The following RAD54B variants were observed in gnomAD, a reference collection of about 807,000 sequenced individuals.
RAD54B encodes the protein DNA repair and recombination protein RAD54B.
In RAD54B, 78 loss-of-function variants were observed where a neutral mutation model predicts 95.8. The observed-to-expected ratio is 0.81, with a 90% CI of 0.68 to 0.98. The LOEUF (loss-of-function observed/expected upper bound fraction) is 0.98. Among genes scored for constraint, RAD54B ranks in the 50% least tolerant of loss-of-function variants. The probability of loss-of-function intolerance (pLI) is 0.00; values close to 1 mark genes in which losing one functional copy is unlikely to be tolerated. For missense variants in RAD54B, 957 were observed against 1,056.6 expected, an observed-to-expected ratio of 0.91 and a Z score of 1.31; for synonymous variants, 328 against 354.9, an observed-to-expected ratio of 0.92 and a Z score of 0.85.
chr8:94,387,820 C>CAT (rs1260345726), intron 10 of RAD54B, among the ~76,000 whole-genome samples: 1 of 152,274 alleles, frequency 6.6e-6, no homozygotes, highest in East Asian at 1.9e-4. Flanking sequence ...GATATGTGAA[C>CAT]ATATAACTAG....
chr8:94,412,375 T>A (rs1811550759), intron 3 of RAD54B, among the ~76,000 whole-genome samples: 1 of 152,068 alleles, frequency 6.6e-6, no homozygotes, highest in South Asian at 2.1e-4. Flanking sequence ...ATTTCATTTT[T>A]TTTTTTTTTG....
At chr8:94,415,629 G>A (rs1467595272) in intron 3 of RAD54B, among the ~76,000 whole-genome samples, 2 of 139,326 alleles carry the variant, frequency 1.4e-5, no homozygotes, top group Non-Finnish European at 3.1e-5. Flanking sequence ...CTGACAAAGG[G>A]CTAATATCCA....
intron 11 of RAD54B, among the ~76,000 whole-genome samples, chr8:94,384,812 G>C (rs915270796): frequency 2.0e-5 from 3 of 152,206 alleles, no homozygotes; most frequent in South Asian, 4.1e-4. Flanking sequence ...GGTTTCTTAA[G>C]GACCCACAAG....
In RAD54B at chr8:94,407,136, T is replaced by A. The variant is rs559495915; in HGVS notation, c.781+303A>T. 1.3e-3 allele frequency among the ~76,000 whole-genome samples: 201 copies of A among 152,294 alleles called. 1 individual carries two copies. The highest frequency in any genetic ancestry group is 0.01 in the Middle Eastern group (3 of 294). On this transcript the variant is annotated intron_variant, in intron 5 of 14. Coordinates refer to ENST00000336148, the MANE Select transcript of RAD54B (RefSeq NM_012415.3). ...TTTCTCTCCTTACTAAAAAGTCAGA[T>A]TTTATTCAAAATTATACACATGTAT... is the stretch of plus-strand genomic sequence containing the variant.
Position 94,428,432 on chromosome 8 carries a change from C to T in RAD54B, c.305-17117G>A, listed in dbSNP as rs1293661669. On this transcript the variant is annotated intron_variant, in intron 3 of 14. Transcript: ENST00000336148. ...ATCAAGATCCACAGATACTCAAGTC[C>T]CTTATATAAAATGTTTGTATTCACA... is the stretch of plus-strand genomic sequence containing the variant. 1.1e-5 allele frequency: 6 copies of T among 522,300 alleles called. No individual in the cohort carries two copies. In the Admixed American group the frequency reaches 3.8e-4, roughly 33 times the overall value. 32.4% of individuals were successfully genotyped at this position (522,300 alleles called of 1,614,324 possible). A position where few individuals can be genotyped will look rare whatever the true frequency, so the allele number is the denominator to read the frequency against.
Position 94,400,429 on chromosome 8 carries a change from C to T in RAD54B, c.979G>A (p.Glu327Lys). 6.2e-7 allele frequency: 1 copy of T among 1,613,068 alleles called. No individual in the cohort carries two copies. The highest frequency in any genetic ancestry group is 8.5e-7 in the Non-Finnish European group (1 of 1,179,492). Residue 327 changes from glutamate (E) to lysine (K), a missense_variant, in exon 7 of 15, where the codon GAA becomes AAA. By Grantham distance (56) the Glu-to-Lys change is moderately conservative. Coordinates refer to ENST00000336148, the MANE Select transcript of RAD54B (RefSeq NM_012415.3). ...TGCAATGTCTTCCCTAAACCCATTT[C>T]ATCAGCAAGAATAGCTCCACATCTG... Reference protein sequence around the residue: ...NGRCGAILADEMGLGKTLQCI... With the variant: ...NGRCGAILADKMGLGKTLQCI...
chr8:94,471,920 T>A (rs1219434274), intron 1 of RAD54B, among the ~76,000 whole-genome samples: 19 of 151,968 alleles, frequency 1.3e-4, no homozygotes, highest in Admixed American at 1.2e-3. Flanking sequence ...TTTTTTAAAT[T>A]GTAAGATGTA....
At position 94,378,087 on chromosome 8, in the gene RAD54B, AAAT is replaced by A. The variant is rs1218863549; in HGVS notation, c.2515+90_2515+92del. ...AATAAAACTAACATATGCAAATGGT[AAAT>A]ATTATAAAGTTATTCTTTAAATATT... On this transcript the variant is annotated intron_variant, in intron 14 of 14. Transcript: ENST00000336148. 23 of 986,468 alleles carry A rather than the reference AAAT, an allele frequency of 2.3e-5. No individual in the cohort carries two copies. The South Asian group carries it at 3.5e-4, about 15-fold the overall frequency. The allele number at this position is 986,468 out of a possible 1,614,324, so 61.1% of individuals were successfully genotyped here.
At chr8:94,432,700 GA>G (rs1033718962) in intron 3 of RAD54B, 1 of 1,401,052 alleles carries the variant, frequency 7.1e-7, no homozygotes, top group African/African-American at 1.5e-5. Flanking sequence ...ATCAAATGAA[GA>G]AAAAGTGTAT....
chr8:94,457,488 A>G (rs1812803706), intron 3 of RAD54B, among the ~76,000 whole-genome samples: 1 of 152,236 alleles, frequency 6.6e-6, no homozygotes, highest in Non-Finnish European at 1.5e-5. Flanking sequence ...ACCCATTCAC[A>G]GGTAAAATTC....
At position 94,407,491 on chromosome 8, in the gene RAD54B, A is replaced by G; in HGVS notation, c.729T>C (p.Asn243=). Residue 243 remains asparagine, a synonymous_variant, in exon 5 of 15, where the codon AAT becomes AAC. Transcript: ENST00000336148. ...KSVCKPSSKE[N]RQNDFQNCKP... is the part of the protein sequence containing the mutation. ...TGCAATTTTGGAAATCATTCTGTCT[A>G]TTTTCCTTTGAACTTGGTTTACAAA... 1.2e-6 allele frequency: 2 copies of G among 1,613,852 alleles called. No individual in the cohort carries two copies. The highest frequency in any genetic ancestry group is 1.7e-6 in the Non-Finnish European group (2 of 1,179,806).
At chr8:94,428,180 A>T in intron 3 of RAD54B, 2 of 840,126 alleles carry the variant, frequency 2.4e-6, no homozygotes, top group Non-Finnish European at 2.9e-6. Context: ...TGGATGAAAT[A>T]ATCTATATAC....
chr8:94,469,982 T>C (rs1470620419), intron 1 of RAD54B, among the ~76,000 whole-genome samples: 1 of 152,200 alleles, frequency 6.6e-6, no homozygotes, highest in Non-Finnish European at 1.5e-5. Context: ...ACATACATCA[T>C]GTTTCTGCAA....
At chr8:94,380,447 G>T in intron 11 of RAD54B, 41 bp from the exon 12 acceptor site, 4 of 1,542,232 alleles carry the variant, frequency 2.6e-6, no homozygotes, top group Non-Finnish European at 1.7e-6. Context: ...AAATTTAAAG[G>T]CAGCATTAGA....
At chr8:94,469,057 C>G (rs1233356800) in intron 1 of RAD54B, among the ~76,000 whole-genome samples, 1 of 147,732 alleles carries the variant, frequency 6.8e-6, no homozygotes, top group Admixed American at 6.8e-5. Context: ...CTTTGGGAGG[C>G]CAAAGTGGGA....
chr8:94,469,402 C>T (rs974264034), intron 1 of RAD54B, among the ~76,000 whole-genome samples: 11 of 152,158 alleles, frequency 7.2e-5, no homozygotes, highest in East Asian at 5.8e-4. Flanking sequence ...CTTTGCCTTC[C>T]GGCATAAATG....
At chr8:94,425,312 C>T (rs916221026) in intron 3 of RAD54B, among the ~76,000 whole-genome samples, 3 of 149,670 alleles carry the variant, frequency 2.0e-5, no homozygotes, top group Non-Finnish European at 4.4e-5. Flanking sequence ...GCCTCAGCCT[C>T]ACAAAGTGCT....
At chr8:94,398,048 C>T (rs537718820) in intron 8 of RAD54B, among the ~76,000 whole-genome samples, 62 of 152,028 alleles carry the variant, frequency 4.1e-4, no homozygotes, top group Admixed American at 1.1e-3. Flanking sequence ...ATTTCCCTGA[C>T]TCATTTTTTC....
chr8:94,440,017 C>G (rs1563658449), intron 3 of RAD54B, among the ~76,000 whole-genome samples: 2 of 152,146 alleles, frequency 1.3e-5, no homozygotes, highest in African/African-American at 4.8e-5. Flanking sequence ...TTTGCACGAC[C>G]ATTTCAAGAT....
Sources: allele counts gnomAD v4.1 joint callset (sites outside exome capture counted in the v4.1 genomes callset), GRCh38; gene constraint gnomAD v4.1.1; transcripts MANE v1.5; gene names NCBI Gene and HGNC (gene_info 2026-07-23, HGNC 2026-07-21).